FAM13C: variants seen among roughly 807,000 people sequenced by gnomAD.
FAM13C encodes family with sequence similarity 13 member C, also known as protein FAM13C.
Under a neutral mutation model 73.2 loss-of-function variants are expected in FAM13C, and 37 were observed. That is an observed-to-expected ratio of 0.51 (90% CI 0.39 to 0.67). The LOEUF is 0.67. Among genes scored for constraint, FAM13C ranks in the 30% least tolerant of loss-of-function variants. The probability of loss-of-function intolerance (pLI) is 0.00; values close to 1 mark genes in which losing one functional copy is unlikely to be tolerated. For missense variants in FAM13C, 589 were observed against 715.6 expected, an observed-to-expected ratio of 0.82 and a Z score of 2.02; for synonymous variants, 246 against 260.9, an observed-to-expected ratio of 0.94 and a Z score of 0.55.
At chr10:59,341,799 C>T (rs1386897162) in intron 3 of FAM13C, among the ~76,000 whole-genome samples, 4 of 152,130 alleles carry the variant, frequency 2.6e-5, no homozygotes, top group African/African-American at 9.7e-5. Flanking sequence ...TAACAAAACA[C>T]GATGAGCTTT....
chr10:59,310,059 T>C (rs1034798529), intron 4 of FAM13C, among the ~76,000 whole-genome samples: 4 of 152,174 alleles, frequency 2.6e-5, no homozygotes, highest in African/African-American at 9.7e-5. Flanking sequence ...TTTGAACCCA[T>C]GACCTAGAAA....
intron 5 of FAM13C, among the ~76,000 whole-genome samples, chr10:59,290,749 G>A (rs1589474677): frequency 6.6e-6 from 1 of 152,112 alleles, no homozygotes; most frequent in African/African-American, 2.4e-5. Flanking sequence ...AGCTAGCACC[G>A]TACCTCCATT....
intron 6 of FAM13C, among the ~76,000 whole-genome samples, chr10:59,272,990 A>G (rs1843891538): frequency 6.6e-6 from 1 of 152,206 alleles, no homozygotes; most frequent in South Asian, 2.1e-4. Context: ...GGACAATTAT[A>G]ACAAGATACT....
intron 3 of FAM13C, among the ~76,000 whole-genome samples, chr10:59,348,450 C>G (rs1442140416): frequency 6.6e-6 from 1 of 152,176 alleles, no homozygotes; most frequent in Non-Finnish European, 1.5e-5. Context: ...TGTCCAAGTC[C>G]TGGTGGAGCT....
intron 6 of FAM13C, among the ~76,000 whole-genome samples, chr10:59,276,544 G>A (rs535464669): frequency 6.6e-6 from 1 of 152,138 alleles, no homozygotes; most frequent in Non-Finnish European, 1.5e-5. Flanking sequence ...GGATGAGAGA[G>A]TAAATAACCT....
At chr10:59,297,046 T>C (rs954574603) in intron 5 of FAM13C, 1 of 152,252 alleles carries the variant, frequency 6.6e-6, no homozygotes, top group Non-Finnish European at 1.5e-5. Context: ...CCTCTCACTC[T>C]AACCCATTTA....
chr10:59,332,502 C>G (rs1239941705), intron 3 of FAM13C, among the ~76,000 whole-genome samples: 1 of 151,972 alleles, frequency 6.6e-6, no homozygotes, highest in Non-Finnish European at 1.5e-5. Flanking sequence ...ATTGCCTGAC[C>G]CACTTGTTTC....
chr10:59,329,339 C>T (rs1443624082), intron 3 of FAM13C, among the ~76,000 whole-genome samples: 46 of 72,776 alleles, frequency 6.3e-4, no homozygotes, highest in Non-Finnish European at 9.6e-4. Flanking sequence ...TTCTTTCTTT[C>T]TGGTTTTTTT....
At chr10:59,360,200 A>G (rs1856222141) in intron 1 of FAM13C, among the ~76,000 whole-genome samples, 1 of 152,224 alleles carries the variant, frequency 6.6e-6, no homozygotes. Context: ...GGTTAGGTAA[A>G]ATAATTCATA....
In FAM13C at chr10:59,268,602, C is replaced by T. The variant is rs534813877; in HGVS notation, c.893G>A (p.Arg298Gln). The T allele has an allele frequency of 1.9e-5, 30 of 1,613,702 alleles. No homozygotes were observed. The highest frequency in any genetic ancestry group is 3.3e-5 in the South Asian group (3 of 91,056). Residue 298 changes from arginine to glutamine, a missense_variant, in exon 8 of 14, where the codon CGG becomes CAG. Arg to Gln is a conservative substitution (Grantham distance 43). Transcript: ENST00000618804. ...TTTTTCTTCAAATTTCCGAATTTTC[C>T]GCTTGAGGCTCTGGATGTGCTTGGT... ...QLTKHIQSLK[R>Q]KIRKFEEKFE... is the part of the protein sequence containing the mutation.
intron 4 of FAM13C, 142 bp downstream of exon 4, chr10:59,323,846 C>A: frequency 1.3e-6 from 1 of 747,004 alleles, no homozygotes; most frequent in Admixed American, 1.9e-5. Flanking sequence ...CTCTTCTAGG[C>A]CCCTTTAAGC....
chr10:59,251,721 TGA>T (rs1448499612), intron 12 of FAM13C, 45 bp from the exon 13 acceptor site: 3 of 1,395,424 alleles, frequency 2.1e-6, no homozygotes, highest in African/African-American at 2.9e-5. Context: ...CTGGCATAAT[TGA>T]GAGATCATCA....
chr10:59,334,725 C>A (rs1241400488), intron 3 of FAM13C, among the ~76,000 whole-genome samples: 1 of 136,760 alleles, frequency 7.3e-6, no homozygotes, highest in Non-Finnish European at 1.5e-5. Flanking sequence ...CACATGGACA[C>A]AGGAAGGGGA....
chr10:59,263,722 C>T (rs1336303403), intron 9 of FAM13C, among the ~76,000 whole-genome samples: 1 of 152,112 alleles, frequency 6.6e-6, no homozygotes, highest in South Asian at 2.1e-4. Flanking sequence ...CATAAATGTC[C>T]TCATCCATGC....
intron 1 of FAM13C, among the ~76,000 whole-genome samples, chr10:59,360,853 GAAAAAAAAA>G (rs10615623): frequency 3.1e-4 from 18 of 58,034 alleles, no homozygotes; most frequent in Non-Finnish European, 5.1e-4. Context: ...AACCTCTACA[GAAAAAAAAA>G]AAAAAAAAAA....
At chr10:59,280,638 T>A (rs1327808481) in intron 6 of FAM13C, among the ~76,000 whole-genome samples, 9 of 152,206 alleles carry the variant, frequency 5.9e-5, no homozygotes, top group Admixed American at 5.9e-4. Context: ...CCAGAGAATC[T>A]CCACATTGGA....
rs544885161 is a variant in FAM13C at position 59,246,578 on chromosome 10, C to T, written c.*1036G>A. 47 of 396,788 alleles carry T rather than the reference C, an allele frequency of 1.2e-4. No individual in the cohort carries two copies. The highest frequency in any genetic ancestry group is 9.0e-4 in the African/African-American group (44 of 48,674). 24.6% of individuals were successfully genotyped at this position (396,788 alleles called of 1,614,324 possible). A position where few individuals can be genotyped will look rare whatever the true frequency, so the allele number is the denominator to read the frequency against. ...AAAATGAAAATAATAAACATGTTTT[C>T]GTATAAAATAACACAAAATGATATA... On this transcript the variant is annotated 3_prime_UTR_variant, in exon 14 of 14. Transcript: ENST00000618804.
chr10:59,355,840 T>A (rs755792590), intron 2 of FAM13C, 47 bp downstream of exon 2: 2 of 1,561,282 alleles, frequency 1.3e-6, no homozygotes, highest in Non-Finnish European at 1.8e-6. Context: ...CAGACCTAGA[T>A]GGCTTCTGTC....
At chr10:59,268,063 A>G (rs1397957302) in intron 8 of FAM13C, among the ~76,000 whole-genome samples, 1 of 152,178 alleles carries the variant, frequency 6.6e-6, no homozygotes, top group East Asian at 1.9e-4. Context: ...GCCTGAACAG[A>G]TGTCACTTGA....
Sources: gnomAD v4.1 joint callset for allele counts (sites outside exome capture counted in the v4.1 genomes callset) on GRCh38, gnomAD v4.1.1 for gene constraint, MANE v1.5 for transcripts, NCBI Gene and HGNC (gene_info 2026-07-23, HGNC 2026-07-21) for gene names.